GALNT2: variants seen among roughly 807,000 people sequenced by gnomAD.
GALNT2 encodes the protein polypeptide N-acetylgalactosaminyltransferase 2, also known as UDP-GalNAc:polypeptide N-acetylgalactosaminyltransferase 2.
Under a neutral mutation model 81.4 loss-of-function variants are expected in GALNT2, and 31 were observed. The ratio of observed to expected loss-of-function variants is 0.38; its 90% confidence interval spans 0.29 to 0.51. The LOEUF is 0.51. GALNT2 is among the 20% of genes least tolerant of loss of function. The pLI is 0.87. For synonymous variants in GALNT2, 303 were observed against 287.4 expected (o/e 1.05, Z -0.55); for missense variants, 629 against 765.7 (o/e 0.82, Z 2.11).
At chr1:230,255,368 G>T (rs375373287) in intron 11 of GALNT2, 24 bp downstream of exon 11, 2 of 1,613,852 alleles carry the variant, frequency 1.2e-6, no homozygotes, top group African/African-American at 1.3e-5. Context: ...GGCTGAGCGG[G>T]GTCCAAAACA....
At chr1:230,197,018 C>G (rs1430758115) in intron 2 of GALNT2, among the ~76,000 whole-genome samples, 1 of 152,064 alleles carries the variant, frequency 6.6e-6, no homozygotes, top group Non-Finnish European at 1.5e-5. Flanking sequence ...GAGTAGGCCC[C>G]TGGCACTTCC....
chr1:230,250,010 T>C (rs1665493753), intron 9 of GALNT2, among the ~76,000 whole-genome samples: 1 of 152,202 alleles, frequency 6.6e-6, no homozygotes, highest in African/African-American at 2.4e-5. Flanking sequence ...AGGTGGAGTC[T>C]CATCTATGAT....
At chr1:230,229,719 G>A (rs1301937470) in intron 3 of GALNT2, among the ~76,000 whole-genome samples, 1 of 152,216 alleles carries the variant, frequency 6.6e-6, no homozygotes, top group Admixed American at 6.5e-5. Flanking sequence ...CAGTGTAGCA[G>A]TGAGGGTGAA....
chr1:230,093,612 G>A (rs1018765370), intron 1 of GALNT2, among the ~76,000 whole-genome samples: 2 of 152,230 alleles, frequency 1.3e-5, no homozygotes, highest in Non-Finnish European at 2.9e-5. Flanking sequence ...CCGTTTACTG[G>A]CCTTGCACAT....
At chr1:230,236,323 T>C (rs777608721) in intron 4 of GALNT2, 30 bp from the exon 5 acceptor site, 2 of 1,607,046 alleles carry the variant, frequency 1.2e-6, no homozygotes, top group East Asian at 4.5e-5. Context: ...CTAAAAGACC[T>C]ATAAACTTTA....
intron 1 of GALNT2, among the ~76,000 whole-genome samples, chr1:230,150,992 G>A (rs773763475): frequency 3.9e-5 from 6 of 152,276 alleles, no homozygotes; most frequent in East Asian, 1.9e-4. Flanking sequence ...TGGTGCACCC[G>A]GCATGCAGGT....
intron 1 of GALNT2, among the ~76,000 whole-genome samples, chr1:230,162,127 A>T (rs967759165): frequency 4.6e-5 from 7 of 152,174 alleles, no homozygotes; most frequent in Non-Finnish European, 8.8e-5. Flanking sequence ...GACGTGAATG[A>T]GTTTCCACAT....
At chr1:230,083,402 G>T (rs911252696) in intron 1 of GALNT2, among the ~76,000 whole-genome samples, 1 of 150,674 alleles carries the variant, frequency 6.6e-6, no homozygotes, top group Non-Finnish European at 1.5e-5. Context: ...GATGGAGCAG[G>T]GAGCGGGATG....
At chr1:230,268,291 G>C (rs1269212067) in intron 14 of GALNT2, 3 of 151,420 alleles carry the variant, frequency 2.0e-5, no homozygotes, top group Non-Finnish European at 4.4e-5. Flanking sequence ...TGTAGGGTTG[G>C]GTGAAGCTTA....
chr1:230,148,681 G>T (rs1661998877), intron 1 of GALNT2, among the ~76,000 whole-genome samples: 1 of 152,020 alleles, frequency 6.6e-6, no homozygotes, highest in Non-Finnish European at 1.5e-5. Flanking sequence ...GATGTCCCTG[G>T]GCTCAGGTGA....
intron 1 of GALNT2, among the ~76,000 whole-genome samples, chr1:230,144,408 C>T (rs893231469): frequency 1.3e-5 from 2 of 152,204 alleles, no homozygotes; most frequent in Non-Finnish European, 2.9e-5. Flanking sequence ...CAGCGTCACC[C>T]GCAGCACCAA....
At chr1:230,196,468 A>G (rs1467419306) in intron 2 of GALNT2, among the ~76,000 whole-genome samples, 1 of 152,142 alleles carries the variant, frequency 6.6e-6, no homozygotes, top group African/African-American at 2.4e-5. Flanking sequence ...AGGGTGGTGG[A>G]CTGTTTTTCT....
chr1:230,086,739 C>T (rs1659909250), intron 1 of GALNT2, among the ~76,000 whole-genome samples: 1 of 152,156 alleles, frequency 6.6e-6, no homozygotes, highest in Non-Finnish European at 1.5e-5. Context: ...ACTTGTTATT[C>T]ATGTGTTCGG....
At chr1:230,068,345 G>A (rs1659267552) in intron 1 of GALNT2, among the ~76,000 whole-genome samples, 1 of 152,250 alleles carries the variant, frequency 6.6e-6, no homozygotes. Context: ...AGCGCCGGCC[G>A]GGAGAGCAGG....
Position 230,153,956 on chromosome 1 carries a change from G to A in GALNT2, c.127-24262G>A, listed in dbSNP as rs1053754299. Among the ~76,000 whole-genome samples, 14 of 152,214 alleles carry A rather than the reference G, an allele frequency of 9.2e-5. No individual in the cohort carries two copies. The East Asian group carries it at 9.6e-4, about 10-fold the overall frequency. ...TTACAAACTCTCATGCAGATTTATC[G>A]TGTGGGTCTGTCTGCGTGGGTGTCT... On this transcript the variant is annotated intron_variant, in intron 1 of 15. Coordinates refer to ENST00000366672, the MANE Select transcript of GALNT2 (RefSeq NM_004481.5).
intron 1 of GALNT2, among the ~76,000 whole-genome samples, chr1:230,122,375 C>A (rs1215734577): frequency 6.6e-6 from 1 of 152,120 alleles, no homozygotes; most frequent in Admixed American, 6.5e-5. Context: ...AATCCCAAGC[C>A]CTGAGGCCTC....
intron 15 of GALNT2, among the ~76,000 whole-genome samples, chr1:230,277,428 C>T (rs1268922286): frequency 6.6e-6 from 1 of 152,162 alleles, no homozygotes; most frequent in Non-Finnish European, 1.5e-5. Flanking sequence ...CCGTTCATTC[C>T]GAATTCTTTG....
intron 1 of GALNT2, among the ~76,000 whole-genome samples, chr1:230,081,614 A>G (rs1219852321): frequency 2.0e-5 from 3 of 152,212 alleles, no homozygotes; most frequent in Admixed American, 6.5e-5. Flanking sequence ...AATTGTGGCA[A>G]TGCAACAAAG....
chr1:230,275,063 TAC>T lies in GALNT2; in HGVS notation c.1560+500_1560+501del, dbSNP rs1558173841. ...TACACATATATACATGCCACATATA[TAC>T]GTATATATATACACACCACATATAT... is the stretch of plus-strand genomic sequence containing the variant. On this transcript the variant is annotated intron_variant, in intron 15 of 15. Coordinates refer to ENST00000366672, the MANE Select transcript of GALNT2 (RefSeq NM_004481.5). The surrounding 1 kb of genome is among the most constrained non-coding windows in gnomAD (Gnocchi z 5.5). Among the ~76,000 whole-genome samples, 1 of 149,960 alleles carries T rather than the reference TAC, an allele frequency of 6.7e-6. No individual in the cohort carries two copies. The highest frequency in any genetic ancestry group is 1.5e-5 in the Non-Finnish European group (1 of 67,240).
Sources: allele counts gnomAD v4.1 joint callset (sites outside exome capture counted in the v4.1 genomes callset), GRCh38; gene constraint gnomAD v4.1.1; non-coding constraint Gnocchi (gnomAD v3.1); transcripts MANE v1.5; gene names NCBI Gene and HGNC (gene_info 2026-07-23, HGNC 2026-07-21).